PRKN: variants seen among roughly 807,000 people sequenced by gnomAD.
PRKN encodes E3 ubiquitin-protein ligase parkin.
PRKN carries 56 observed loss-of-function variants against 59.5 expected under a neutral mutation model. The observed-to-expected ratio is 0.94, with a 90% CI of 0.76 to 1.18. The LOEUF (loss-of-function observed/expected upper bound fraction) is 1.18, where lower values mean the gene tolerates loss of function less well. Ranked by LOEUF, PRKN falls within the 50% of genes most tolerant of loss-of-function variation. The pLI, the probability that PRKN is intolerant of heterozygous loss-of-function variation, is 0.00. For synonymous variants in PRKN, 250 were observed against 222.1 expected, an observed-to-expected ratio of 1.13 and a Z score of -1.12; for missense variants, 657 against 596.4, an observed-to-expected ratio of 1.10 and a Z score of -1.06.
intron 7 of PRKN, among the ~76,000 whole-genome samples, chr6:161,674,996 C>T (rs1175484177): frequency 1.3e-5 from 2 of 152,176 alleles, no homozygotes. Context: ...TCATACACCT[C>T]CAGTGACTTT....
intron 2 of PRKN, among the ~76,000 whole-genome samples, chr6:162,429,876 C>T (rs970735025): frequency 1.3e-5 from 2 of 152,120 alleles, no homozygotes; most frequent in East Asian, 1.9e-4. Flanking sequence ...AGCCCCTCTG[C>T]GTTTGACCCG....
In PRKN at chr6:162,726,600, T is replaced by A. The variant is rs556438383; in HGVS notation, c.7+1062A>T. 2.0e-5 allele frequency among the ~76,000 whole-genome samples: 3 copies of A among 152,312 alleles called. No homozygotes were observed. In the East Asian group the frequency reaches 5.8e-4, roughly 29 times the overall value. On this transcript the variant is annotated intron_variant, in intron 1 of 11. Transcript: ENST00000366898. ...AGAATGTTTACATTTTAACAATAAC[T>A]TCACAAATAAACAGATGTAAGAAGT...
chr6:162,341,336 G>A (rs1184494787), intron 2 of PRKN, among the ~76,000 whole-genome samples: 1 of 152,150 alleles, frequency 6.6e-6, no homozygotes, highest in Non-Finnish European at 1.5e-5. Flanking sequence ...AACCATTGTG[G>A]AAGACAGTTT....
At position 162,299,633 on chromosome 6, in the gene PRKN, T is replaced by TTA. The variant is rs573186436; in HGVS notation, c.172-36870_172-36869dup. Among the ~76,000 whole-genome samples the TTA allele has an allele frequency of 1.5e-4, 22 of 151,316 alleles. No homozygotes were observed. The South Asian group carries it at 2.5e-3, about 17-fold the overall frequency. ...TTATCACTTCCCTTTATTTAATCCTTTATATATATATGTATTTATTCCTTT... is the reference window on the plus strand; with the variant it reads ...TTATCACTTCCCTTTATTTAATCCTTTATATATATATATGTATTTATTCCTTT... On this transcript the variant is annotated intron_variant, in intron 2 of 11. Coordinates refer to ENST00000366898, the MANE Select transcript of PRKN (RefSeq NM_004562.3).
chr6:161,664,800 T>G (rs1784667534), intron 7 of PRKN, among the ~76,000 whole-genome samples: 1 of 151,638 alleles, frequency 6.6e-6, no homozygotes, highest in Admixed American at 6.6e-5. Context: ...TTTCTTTTTT[T>G]TTTTTTGAGA....
Position 161,593,853 on chromosome 6 carries a change from T to C in PRKN, c.872-24437A>G, listed in dbSNP as rs1156838218. ...TCAGGGGTCAAATAGGTGGAGGTGATAGAATTGACTGCTGGAGGCCGGGCG... is the reference window on the plus strand; with the variant it reads ...TCAGGGGTCAAATAGGTGGAGGTGACAGAATTGACTGCTGGAGGCCGGGCG... On this transcript the variant is annotated intron_variant, in intron 7 of 11. Transcript: ENST00000366898. The surrounding 1 kb of genome is among the most constrained non-coding windows in gnomAD (Gnocchi z 4.8). 2.0e-5 allele frequency among the ~76,000 whole-genome samples: 3 copies of C among 151,740 alleles called. No homozygotes were observed. Among genetic ancestry groups the C allele is most frequent in the African/African-American group, 7.3e-5 (3 of 41,296 alleles).
At position 162,667,169 on chromosome 6, in the gene PRKN, ATTCT is replaced by A. The variant is rs1356085438; in HGVS notation, c.7+60489_7+60492del. The stretch of plus-strand genomic sequence containing the variant: ...ATCCTAAACAGTGGATAATTTAACA[ATTCT>A]TTCTATTGGCACAGATTATATTTCT... On this transcript the variant is annotated intron_variant, in intron 1 of 11. Transcript: ENST00000366898. Among the ~76,000 whole-genome samples the A allele has an allele frequency of 6.6e-5, 10 of 152,212 alleles. No homozygotes were observed. The South Asian group carries it at 2.1e-3, about 32-fold the overall frequency.
Position 161,487,628 on chromosome 6 carries a change from A to G in PRKN, c.1083+61226T>C, listed in dbSNP as rs1368661157. ...AACAACTACAAGGAGAAATTAGTTGAATAATATTAAATATTGACTACTGAT... is the reference window on the plus strand; with the variant it reads ...AACAACTACAAGGAGAAATTAGTTGGATAATATTAAATATTGACTACTGAT... On this transcript the variant is annotated intron_variant, in intron 9 of 11. Transcript: ENST00000366898. The surrounding 1 kb of genome is among the most constrained non-coding windows in gnomAD (Gnocchi z 5.3). Among the ~76,000 whole-genome samples the G allele has an allele frequency of 6.6e-6, 1 of 152,224 alleles. No individual in the cohort carries two copies. Among genetic ancestry groups the G allele is most frequent in the Non-Finnish European group, 1.5e-5 (1 of 68,040 alleles).
intron 4 of PRKN, among the ~76,000 whole-genome samples, chr6:162,092,962 T>C (rs797009319): frequency 2.0e-5 from 3 of 152,322 alleles, no homozygotes; most frequent in African/African-American, 7.2e-5. Flanking sequence ...GCCTCACGCT[T>C]AGCTCTCAGA....
intron 5 of PRKN, among the ~76,000 whole-genome samples, chr6:162,043,514 G>A (rs757285818): frequency 7.2e-5 from 11 of 152,160 alleles, no homozygotes; most frequent in Non-Finnish European, 1.5e-4. Context: ...TGGACAAATG[G>A]AGATGAACAG....
rs139737780 is a variant in PRKN, at chr6:161,879,535, A to G, written c.735-93627T>C. On this transcript the variant is annotated intron_variant, in intron 6 of 11. Transcript: ENST00000366898. ...CTAACTTTTTGTATTTTGAGTAGAGACGAGGTTTCACCGTGTTAACCAGGA... is the reference window on the plus strand; with the variant it reads ...CTAACTTTTTGTATTTTGAGTAGAGGCGAGGTTTCACCGTGTTAACCAGGA... Among the ~76,000 whole-genome samples the G allele has an allele frequency of 5.5e-3, 842 of 151,994 alleles. 5 individuals carry two copies. The highest frequency in any genetic ancestry group is 0.02 in the Middle Eastern group (6 of 294).
At chr6:162,141,333 G>A (rs1781771938) in intron 4 of PRKN, among the ~76,000 whole-genome samples, 1 of 152,030 alleles carries the variant, frequency 6.6e-6, no homozygotes, top group Non-Finnish European at 1.5e-5. Flanking sequence ...AACTTTGAAA[G>A]TATATAACTA....
chr6:162,038,526 G>GCTTCTGGGGC (rs1783933918), intron 5 of PRKN, among the ~76,000 whole-genome samples: 1 of 152,122 alleles, frequency 6.6e-6, no homozygotes, highest in African/African-American at 2.4e-5. Flanking sequence ...TCCTAGGGTT[G>GCTTCTGGGGC]CAAAGGTTTC....
chr6:162,549,595 G>A (rs1414022780), intron 1 of PRKN, among the ~76,000 whole-genome samples: 1 of 151,874 alleles, frequency 6.6e-6, no homozygotes, highest in Non-Finnish European at 1.5e-5. Flanking sequence ...CAGCCTAGCA[G>A]GGGAGGTAGA....
rs1041708689 is a variant in PRKN, at chr6:161,446,298, G to C, written c.1084-59421C>G. ...GGAGGCTTGGAGGCTGCCTGGGGCTGAGCAGGGAGCACCATGCTTGTAGGC... is the reference window on the plus strand; with the variant it reads ...GGAGGCTTGGAGGCTGCCTGGGGCTCAGCAGGGAGCACCATGCTTGTAGGC... On this transcript the variant is annotated intron_variant, in intron 9 of 11. Transcript: ENST00000366898. This position sits in a 1 kb window ranked among gnomAD's most constrained non-coding sequence, Gnocchi z 6.2. Among the ~76,000 whole-genome samples, 4 of 152,178 alleles carry C rather than the reference G, an allele frequency of 2.6e-5. No homozygotes were observed. The highest frequency in any genetic ancestry group is 5.9e-5 in the Non-Finnish European group (4 of 68,032).
At chr6:161,643,971 TG>T (rs11320957) in intron 7 of PRKN, among the ~76,000 whole-genome samples, 86,538 of 151,664 alleles carry the variant, frequency 0.57, 25,369 homozygotes, top group African/African-American at 0.63. Flanking sequence ...GATATCTTGG[TG>T]GGGGGGGCCA....
chr6:162,642,591 T>C (rs1176366392), intron 1 of PRKN, among the ~76,000 whole-genome samples: 1 of 151,988 alleles, frequency 6.6e-6, no homozygotes, highest in Non-Finnish European at 1.5e-5. Flanking sequence ...TATTATCTTT[T>C]TGGTTAGCAA....
chr6:161,817,605 C>T (rs1309212508), intron 6 of PRKN, among the ~76,000 whole-genome samples: 2 of 152,140 alleles, frequency 1.3e-5, no homozygotes, highest in Non-Finnish European at 2.9e-5. Context: ...TTGCTCAGTC[C>T]TCCACTTTAT....
rs558577741 is a variant in PRKN at position 162,341,914 on chromosome 6, A to C, written c.172-79149T>G. Among the ~76,000 whole-genome samples the C allele has an allele frequency of 4.6e-3, 697 of 152,074 alleles. 14 individuals are homozygous for C. The highest frequency in any genetic ancestry group is 0.016 in the African/African-American group (672 of 41,502). ...ACAACCTAATGTATTAAAAAAAAAA[A>C]AACTCCTGGTGTCACTTCGGCCATT... is the stretch of plus-strand genomic sequence containing the variant. On this transcript the variant is annotated intron_variant, in intron 2 of 11. Coordinates refer to ENST00000366898, the MANE Select transcript of PRKN (RefSeq NM_004562.3).
Sources: gnomAD v4.1 joint callset for allele counts (sites outside exome capture counted in the v4.1 genomes callset) on GRCh38, gnomAD v4.1.1 for gene constraint, Gnocchi (gnomAD v3.1) non-coding constraint, MANE v1.5 for transcripts, NCBI Gene and HGNC (gene_info 2026-07-23, HGNC 2026-07-21) for gene names.